The following CCDC148 variants were observed in gnomAD, a reference collection of about 807,000 sequenced individuals.
The protein encoded by CCDC148 is coiled-coil domain containing 148, also known as coiled-coil domain-containing protein 148.
In CCDC148, 89 loss-of-function variants were observed where a neutral mutation model predicts 85.7. The ratio of observed to expected loss-of-function variants is 1.04; its 90% confidence interval spans 0.87 to 1.24. The LOEUF (loss-of-function observed/expected upper bound fraction) is 1.24. Ranked by LOEUF, CCDC148 falls within the 50% of genes most tolerant of loss-of-function variation. CCDC148 has a pLI of 0.00. For synonymous variants in CCDC148, 230 were observed against 213.9 expected, an observed-to-expected ratio of 1.08 and a Z score of -0.66; for missense variants, 692 against 671.7, an observed-to-expected ratio of 1.03 and a Z score of -0.33.
intron 11 of CCDC148, among the ~76,000 whole-genome samples, chr2:158,196,857 G>A (rs1372929623): frequency 1.3e-5 from 2 of 152,106 alleles, no homozygotes; most frequent in Admixed American, 6.6e-5. Context: ...GTACTAGATA[G>A]TAGCTGGGCA....
At chr2:158,291,536 A>G (rs1690894824) in intron 9 of CCDC148, among the ~76,000 whole-genome samples, 1 of 152,152 alleles carries the variant, frequency 6.6e-6, no homozygotes, top group Non-Finnish European at 1.5e-5. Context: ...TCATTTTACC[A>G]AGCTACCAAT....
At chr2:158,305,496 C>T (rs953330894) in intron 9 of CCDC148, among the ~76,000 whole-genome samples, 5 of 152,034 alleles carry the variant, frequency 3.3e-5, no homozygotes, top group Admixed American at 1.3e-4. Context: ...CTGCAATCTC[C>T]GTGCTTTGGG....
At chr2:158,378,100 C>T (rs1442036625) in intron 1 of CCDC148, among the ~76,000 whole-genome samples, 2 of 152,062 alleles carry the variant, frequency 1.3e-5, no homozygotes, top group African/African-American at 4.8e-5. Context: ...AGTTAGACCT[C>T]TTGTGCCAGT....
chr2:158,232,121 CAT>C (rs1687884798), intron 10 of CCDC148, among the ~76,000 whole-genome samples: 1 of 152,150 alleles, frequency 6.6e-6, no homozygotes, highest in Non-Finnish European at 1.5e-5. Flanking sequence ...TTTACTTCCA[CAT>C]GAGGTTTACA....
rs189192118 is a variant in CCDC148 at position 158,371,685 on chromosome 2, T to C, written c.26-13115A>G. 4.9e-3 allele frequency among the ~76,000 whole-genome samples: 744 copies of C among 151,204 alleles called. 3 individuals carry two copies. Among genetic ancestry groups the C allele is most frequent in the Middle Eastern group, 0.024 (7 of 294 alleles). Reference sequence around the variant, plus strand: ...GTGTTCATATACATATATATATATATACACACGTGCCTTTAATGACTGAAA... The same window carrying C: ...GTGTTCATATACATATATATATATACACACACGTGCCTTTAATGACTGAAA... On this transcript the variant is annotated intron_variant, in intron 1 of 13. Transcript: ENST00000283233.
At chr2:158,239,705 A>G (rs2105319846) in intron 10 of CCDC148, among the ~76,000 whole-genome samples, 1 of 152,148 alleles carries the variant, frequency 6.6e-6, no homozygotes, top group East Asian at 1.9e-4. Context: ...TTTCTTCTGC[A>G]TAATTAAACC....
chr2:158,432,629 A>C (rs936106618), intron 1 of CCDC148, among the ~76,000 whole-genome samples: 1 of 152,204 alleles, frequency 6.6e-6, no homozygotes, highest in Admixed American at 6.5e-5. Context: ...CCAGATGTAC[A>C]CTATTTGACT....
chr2:158,236,447 C>T (rs755413530), intron 10 of CCDC148, among the ~76,000 whole-genome samples: 5 of 152,112 alleles, frequency 3.3e-5, no homozygotes, highest in Non-Finnish European at 5.9e-5. Flanking sequence ...GTTGATATGG[C>T]TGAAATGAAT....
At chr2:158,454,801 GC>G (rs1463300908) in intron 1 of CCDC148, among the ~76,000 whole-genome samples, 6 of 152,248 alleles carry the variant, frequency 3.9e-5, no homozygotes, top group African/African-American at 1.2e-4. Flanking sequence ...TAGCGCAGGA[GC>G]AAGTTCAAAA....
intron 3 of CCDC148, among the ~76,000 whole-genome samples, chr2:158,340,886 C>A (rs543750004): frequency 1.3e-5 from 2 of 152,260 alleles, no homozygotes; most frequent in South Asian, 4.1e-4. Flanking sequence ...TGAGCAAAGG[C>A]CAGCCCACAG....
intron 1 of CCDC148, among the ~76,000 whole-genome samples, chr2:158,414,579 T>TAAA (rs11381898): frequency 6.7e-6 from 1 of 149,788 alleles, no homozygotes; most frequent in Non-Finnish European, 1.5e-5. Flanking sequence ...CTTAAAAGTA[T>TAAA]AAAAAAAAAA....
intron 7 of CCDC148, among the ~76,000 whole-genome samples, chr2:158,332,620 C>CT (rs1242302747): frequency 1.3e-5 from 2 of 151,654 alleles, no homozygotes; most frequent in African/African-American, 4.9e-5. Context: ...ACCAGCTCCT[C>CT]TTTGTACCTC....
chr2:158,370,284 TTAAAA>T (rs1408189148), intron 1 of CCDC148, among the ~76,000 whole-genome samples: 1 of 152,052 alleles, frequency 6.6e-6, no homozygotes, highest in Non-Finnish European at 1.5e-5. Context: ...ATCCCAGCAC[TTAAAA>T]TTAAATTAAA....
chr2:158,306,220 T>C (rs1372833378), intron 9 of CCDC148, among the ~76,000 whole-genome samples: 3 of 152,118 alleles, frequency 2.0e-5, no homozygotes, highest in Admixed American at 2.0e-4. Flanking sequence ...CATAGAACTA[T>C]GCATTAAAAA....
intron 11 of CCDC148, among the ~76,000 whole-genome samples, chr2:158,195,568 T>C (rs1435851001): frequency 6.6e-6 from 1 of 152,194 alleles, no homozygotes; most frequent in East Asian, 1.9e-4. Flanking sequence ...TTCTCCATTT[T>C]TGAGAGGGAC....
chr2:158,331,768 C>T (rs1178535139), intron 7 of CCDC148, among the ~76,000 whole-genome samples: 1 of 152,188 alleles, frequency 6.6e-6, no homozygotes, highest in African/African-American at 2.4e-5. Context: ...TAATCACCTT[C>T]TTTGTCTCTT....
intron 9 of CCDC148, among the ~76,000 whole-genome samples, chr2:158,251,200 T>C (rs1463383493): frequency 6.6e-6 from 1 of 151,818 alleles, no homozygotes; most frequent in Non-Finnish European, 1.5e-5. Flanking sequence ...TGTATTCTCA[T>C]AAATAGTAAG....
intron 9 of CCDC148, among the ~76,000 whole-genome samples, chr2:158,256,828 T>C (rs187010014): frequency 5.3e-5 from 8 of 151,862 alleles, no homozygotes; most frequent in African/African-American, 1.9e-4. Context: ...CCAGATCAGA[T>C]ACCTCTCTAC....
chr2:158,250,889 T>C lies in CCDC148; in HGVS notation c.1134A>G (p.Gln378=). Residue 378 remains glutamine (Q), a synonymous_variant, in exon 10 of 14, where the codon CAA becomes CAG. Transcript: ENST00000283233. ...KAKVRQWRAH[Q]EEVARLEMEI... Reference sequence around the variant, plus strand: ...CCATTTCCAGTCTTGCTACCTCTTCTTGGTGGGCTCGCCATTGACGAACCT... The same window carrying C: ...CCATTTCCAGTCTTGCTACCTCTTCCTGGTGGGCTCGCCATTGACGAACCT... The C allele has an allele frequency of 6.2e-7, 1 of 1,605,332 alleles. No individual in the cohort carries two copies. The highest frequency in any genetic ancestry group is 2.2e-5 in the East Asian group (1 of 44,746).
Sources: gnomAD v4.1 joint callset for allele counts (sites outside exome capture counted in the v4.1 genomes callset) on GRCh38, gnomAD v4.1.1 for gene constraint, MANE v1.5 for transcripts, NCBI Gene and HGNC (gene_info 2026-07-23, HGNC 2026-07-21) for gene names.